Variants in PCDH15 observed in about 807,000 individuals in gnomAD.
The protein encoded by PCDH15 is protocadherin related 15, also known as protocadherin-15.
A neutral mutation model predicts 178.5 loss-of-function variants in PCDH15; 129 were observed. The ratio of observed to expected loss-of-function variants is 0.72; its 90% confidence interval spans 0.63 to 0.84. The LOEUF (loss-of-function observed/expected upper bound fraction) is 0.84, where lower values mean the gene tolerates loss of function less well. Among genes scored for constraint, PCDH15 ranks in the 40% least tolerant of loss-of-function variants. The pLI is 0.00. For synonymous variants in PCDH15, 800 were observed against 732.0 expected (o/e 1.09, Z -1.50); for missense variants, 2,230 against 2,099.9 (o/e 1.06, Z -1.21).
intron 1 of PCDH15, among the ~76,000 whole-genome samples, chr10:54,796,985 AGGCTCATTCT>A (rs1489234520): frequency 2.0e-5 from 3 of 152,028 alleles, no homozygotes; most frequent in African/African-American, 7.2e-5. Flanking sequence ...GAATCAGAAA[AGGCTCATTCT>A]GACACCTCCA....
Position 54,972,239 on chromosome 10 carries a change from A to G in PCDH15, c.-79-74739T>C, listed in dbSNP as rs146857412. Among the ~76,000 whole-genome samples the G allele has an allele frequency of 4.8e-3, 725 of 152,298 alleles. 16 individuals carry two copies. Among genetic ancestry groups the G allele is most frequent in the Admixed American group, 0.038 (577 of 15,286 alleles). ...AAAGCCCTTTTAATATGTATTTGAT[A>G]TGATTTATAAGAATACTTGGCTGGG... On this transcript the variant is annotated intron_variant, in intron 2 of 5. Transcript: ENST00000458638.
At chr10:54,607,802 A>G in intron 2 of PCDH15, 1 of 511,304 alleles carries the variant, frequency 2.0e-6, no homozygotes, top group Non-Finnish European at 4.0e-6. Context: ...TTTTATAGAT[A>G]TATGAAGAAT....
At chr10:54,665,047 A>G (rs2094548695) in intron 1 of PCDH15, among the ~76,000 whole-genome samples, 1 of 151,896 alleles carries the variant, frequency 6.6e-6, no homozygotes. Flanking sequence ...ATTGTTCAAA[A>G]TGCTCTTGAT....
At chr10:55,201,686 G>A (rs562357924) in intron 1 of PCDH15, among the ~76,000 whole-genome samples, 6 of 152,218 alleles carry the variant, frequency 3.9e-5, no homozygotes, top group South Asian at 4.1e-4. Context: ...CCACTGATAC[G>A]TGAAAACGTG....
chr10:53,943,499 AAC>A (rs2086253895), intron 23 of PCDH15, among the ~76,000 whole-genome samples: 2 of 148,866 alleles, frequency 1.3e-5, no homozygotes, highest in African/African-American at 5.0e-5. Flanking sequence ...CAAACAAACA[AAC>A]AAAAAAAACA....
intron 2 of PCDH15, among the ~76,000 whole-genome samples, chr10:55,525,495 C>T (rs1329983097): frequency 6.6e-6 from 1 of 151,770 alleles, no homozygotes; most frequent in Non-Finnish European, 1.5e-5. Flanking sequence ...GTTCACTTCT[C>T]ATATAAATCA....
chr10:54,012,899 T>G (rs1220028664), intron 20 of PCDH15, among the ~76,000 whole-genome samples: 1 of 152,074 alleles, frequency 6.6e-6, no homozygotes, highest in Non-Finnish European at 1.5e-5. Context: ...AACAATATGA[T>G]GACAGGCTCA....
chr10:54,130,468 T>C (rs2042344990), intron 15 of PCDH15, among the ~76,000 whole-genome samples: 1 of 152,132 alleles, frequency 6.6e-6, no homozygotes, highest in African/African-American at 2.4e-5. Context: ...CTGACCCTTA[T>C]TAGCATAACA....
intron 15 of PCDH15, among the ~76,000 whole-genome samples, chr10:54,124,659 A>T (rs1352392737): frequency 1.3e-5 from 2 of 152,234 alleles, no homozygotes; most frequent in Admixed American, 6.5e-5. Context: ...ACGTGACATT[A>T]TAAATTTTAC....
chr10:53,987,453 A>G (rs190382309), intron 21 of PCDH15, among the ~76,000 whole-genome samples: 65 of 152,340 alleles, frequency 4.3e-4, no homozygotes, highest in African/African-American at 1.4e-3. Flanking sequence ...CACGTCATAC[A>G]TAGGTTTAAA....
At chr10:55,599,409 C>T (rs528512127) in intron 2 of PCDH15, 4 of 152,344 alleles carry the variant, frequency 2.6e-5, no homozygotes, top group African/African-American at 9.6e-5. Flanking sequence ...AATAACCGTC[C>T]TATAGAGAGT....
chr10:54,664,318 A>G, intron 1 of PCDH15, 28 bp from the exon 2 acceptor site: 2 of 1,375,890 alleles, frequency 1.5e-6, no homozygotes, highest in Non-Finnish European at 2.0e-6. Flanking sequence ...AGAAAGAAAC[A>G]TTTGACATGT....
chr10:54,607,964 G>T (rs763456610), intron 2 of PCDH15: 1 of 499,002 alleles, frequency 2.0e-6, no homozygotes, highest in Non-Finnish European at 4.0e-6. Flanking sequence ...TAATACTTCC[G>T]CACTTTGGAA....
At chr10:54,256,090 CA>C (rs2056875499) in intron 8 of PCDH15, among the ~76,000 whole-genome samples, 1 of 152,080 alleles carries the variant, frequency 6.6e-6, no homozygotes, top group Non-Finnish European at 1.5e-5. Flanking sequence ...GTGGCCATGC[CA>C]CCAGCCTGCT....
rs533078653 is a variant in PCDH15 at position 55,369,583 on chromosome 10, T to C, written c.-155-202932A>G. 5.6e-4 allele frequency among the ~76,000 whole-genome samples: 85 copies of C among 152,198 alleles called. No homozygotes were observed. The South Asian group carries it at 8.7e-3, about 16-fold the overall frequency. Reference sequence around the variant, plus strand: ...TATACAAATACATTAACTAAAAATATAATCTAAAATGCAACAGAATATCCT... The same window carrying C: ...TATACAAATACATTAACTAAAAATACAATCTAAAATGCAACAGAATATCCT... On this transcript the variant is annotated intron_variant, in intron 2 of 5. Coordinates refer to the PCDH15 transcript ENST00000613346.
At chr10:54,408,332 G>A (rs574360230) in intron 3 of PCDH15, among the ~76,000 whole-genome samples, 2 of 152,008 alleles carry the variant, frequency 1.3e-5, no homozygotes, top group South Asian at 2.1e-4. Flanking sequence ...AATATATGGG[G>A]ATAAATGTAT....
At chr10:55,424,681 G>T (rs879773869) in intron 2 of PCDH15, among the ~76,000 whole-genome samples, 7 of 151,960 alleles carry the variant, frequency 4.6e-5, no homozygotes, top group Non-Finnish European at 1.0e-4. Flanking sequence ...GAACTGCTTT[G>T]GTGTATAGGA....
rs141038040 is a variant in PCDH15 at position 54,445,068 on chromosome 10, T to G, written c.158-66126A>C. Among the ~76,000 whole-genome samples the G allele has an allele frequency of 6.2e-3, 934 of 151,306 alleles. 10 individuals are homozygous for G. The highest frequency in any genetic ancestry group is 0.022 in the African/African-American group (904 of 41,400). On this transcript the variant is annotated intron_variant, in intron 3 of 37. Coordinates refer to ENST00000644397, the MANE Select transcript of PCDH15 (RefSeq NM_001384140.1). ...TTCTCAATTGCCAATTGTCTACTGC[T>G]TGTCCTGGGTTCCATCTTTTCATAT...
At position 53,820,219 on chromosome 10, in the gene PCDH15, C is replaced by T. The variant is rs2076208001; in HGVS notation, c.4379G>A (p.Cys1460Tyr). 1 of 397,784 alleles carries T rather than the reference C, an allele frequency of 2.5e-6. No homozygotes were observed. Among genetic ancestry groups the T allele is most frequent in the East Asian group, 3.6e-5 (1 of 28,016 alleles). 24.6% of individuals were successfully genotyped at this position (397,784 alleles called of 1,614,324 possible). A position where few individuals can be genotyped will look rare whatever the true frequency, so the allele number is the denominator to read the frequency against. ...ELGDSSIWSFCWQLVICMRTC... is the reference protein window; with the variant it reads ...ELGDSSIWSFYWQLVICMRTC... ...TCTCATGCATATGACCAGCTGCCAA[C>T]AAAAACTCCAACTGAAGTTTTTCAG... The change falls in exon 33 of 38, where the codon TGT becomes TAT. Residue 1460 changes from cysteine to tyrosine, a missense_variant. By Grantham distance (194) the Cys-to-Tyr change is radical. Transcript: ENST00000644397.
Sources: allele counts gnomAD v4.1 joint callset (sites outside exome capture counted in the v4.1 genomes callset), GRCh38; gene constraint gnomAD v4.1.1; transcripts MANE v1.5; gene names NCBI Gene and HGNC (gene_info 2026-07-23, HGNC 2026-07-21).